Variants in REXO1 observed in about 807,000 individuals in gnomAD.
The protein encoded by REXO1 is RNA exonuclease 1 homolog, also known as REX1, RNA exonuclease 1 homolog.
REXO1 carries 42 observed loss-of-function variants against 102.6 expected under a neutral mutation model. The observed-to-expected ratio is 0.41, with a 90% CI of 0.32 to 0.53. The LOEUF is 0.53. Ranked by LOEUF, REXO1 falls within the 20% of genes least tolerant of loss-of-function variation. The pLI is 0.27. For missense variants in REXO1, 1,819 were observed against 1,732.5 expected (o/e 1.05, Z -0.89); for synonymous variants, 908 against 779.1 (o/e 1.17, Z -2.76).
chr19:1,848,209 G>C lies in REXO1; in HGVS notation c.150C>G (p.Pro50=). Reference sequence around the variant, plus strand: ...CAGGCGGGCGGGCATTACCTGCTGCGGGGGGCGCCTCTCCGCCGTCACCGG... The same window carrying C: ...CAGGCGGGCGGGCATTACCTGCTGCCGGGGGCGCCTCTCCGCCGTCACCGG... ...GAPGDGGEAP[P]AAGLGYDPYN... Residue 50 remains proline, a synonymous_variant, in exon 1 of 16, where the codon CCC becomes CCG. Coordinates refer to ENST00000170168, the MANE Select transcript of REXO1 (RefSeq NM_020695.4). 8.2e-7 allele frequency: 1 copy of C among 1,219,406 alleles called. No individual in the cohort carries two copies. Among genetic ancestry groups the C allele is most frequent in the East Asian group, 3.3e-5 (1 of 30,726 alleles). The allele number at this position is 1,219,406 out of a possible 1,614,324, so 75.5% of individuals were successfully genotyped here. A position where few individuals can be genotyped will look rare whatever the true frequency, so the allele number is the denominator to read the frequency against.
intron 1 of REXO1, among the ~76,000 whole-genome samples, chr19:1,844,906 G>A (rs1431843001): frequency 6.6e-6 from 1 of 152,196 alleles, no homozygotes; most frequent in Non-Finnish European, 1.5e-5. Context: ...TCATCTGGGA[G>A]CACGTTCCTG....
chr19:1,832,472 C>T (rs983124310), intron 1 of REXO1, among the ~76,000 whole-genome samples: 19 of 152,234 alleles, frequency 1.2e-4, no homozygotes, highest in Admixed American at 1.1e-3. Flanking sequence ...AGCGGGAGGC[C>T]GGGACCCGGA....
rs2069364076 is a variant in REXO1, at chr19:1,816,389, G to A, written c.3456+42C>T. On this transcript the variant is annotated intron_variant, in intron 14 of 15. Coordinates refer to ENST00000170168, the MANE Select transcript of REXO1 (RefSeq NM_020695.4). ...ATCAGCGCACGTGGGGCCTGCGCAGGTCCTGCTGGAGAACCGCGCGGGACC... is the reference window on the plus strand; with the variant it reads ...ATCAGCGCACGTGGGGCCTGCGCAGATCCTGCTGGAGAACCGCGCGGGACC... 2.5e-6 allele frequency: 4 copies of A among 1,600,706 alleles called. No homozygotes were observed. In the South Asian group the frequency reaches 3.3e-5, roughly 13 times the overall value.
Position 1,827,198 on chromosome 19 carries a change from C to A in REXO1, c.1591G>T (p.Ala531Ser), listed in dbSNP as rs78977406. The change falls in exon 2 of 16, where the codon GCA becomes TCA. Residue 531 changes from alanine to serine, a missense_variant. Physicochemically the swap from Ala to Ser is moderately conservative, Grantham distance 99. Transcript: ENST00000170168. ...LFGDESEDEA[A>S]GPGVPSVWPS... ...CACACGCTCGGCACCCCTGGCCCTG[C>A]GGCCTCGTCCTCACTCTCGTCCCCA... is the stretch of plus-strand genomic sequence containing the variant. The A allele has an allele frequency of 6.5e-6, 10 of 1,540,080 alleles. No individual in the cohort carries two copies. The highest frequency in any genetic ancestry group is 8.7e-6 in the Non-Finnish European group (10 of 1,146,628).
intron 1 of REXO1, among the ~76,000 whole-genome samples, chr19:1,845,288 C>A (rs1039490189): frequency 6.6e-6 from 1 of 152,170 alleles, no homozygotes; most frequent in East Asian, 1.9e-4. Context: ...CACATCCCTG[C>A]GTCCCAGGGC....
intron 1 of REXO1, among the ~76,000 whole-genome samples, chr19:1,842,540 C>T (rs1012521760): frequency 6.6e-6 from 1 of 152,288 alleles, no homozygotes; most frequent in African/African-American, 2.4e-5. Context: ...TCGACTGGCA[C>T]GGCCCACGCC....
At chr19:1,823,462 C>A in intron 4 of REXO1, 110 bp downstream of exon 4, 1 of 775,952 alleles carries the variant, frequency 1.3e-6, no homozygotes, top group South Asian at 5.6e-5. Context: ...CAAAGTCATC[C>A]CATGAGCAAG....
chr19:1,841,047 G>A (rs1271877093), intron 1 of REXO1, among the ~76,000 whole-genome samples: 1 of 152,194 alleles, frequency 6.6e-6, no homozygotes, highest in Admixed American at 6.5e-5. Flanking sequence ...AAACCTCTCG[G>A]AGCCTAAGGG....
rs1342285187 is a variant in REXO1, at chr19:1,827,090, G to T, written c.1699C>A (p.Pro567Thr). ...GGCGGGGAGGCCTTGAGCCGCTTGG[G>T]CGGCCCCTGCGCCTCCGGGAAGCCC... ...SLGFPEAQGP[P>T]KRLKASPPPS... The change falls in exon 2 of 16, where the codon CCC becomes ACC. Residue 567 changes from proline to threonine, a missense_variant. Physicochemically the swap from Pro to Thr is conservative, Grantham distance 38. Coordinates refer to ENST00000170168, the MANE Select transcript of REXO1 (RefSeq NM_020695.4). 14 of 1,541,028 alleles carry T rather than the reference G, an allele frequency of 9.1e-6. No homozygotes were observed. The highest frequency in any genetic ancestry group is 1.1e-5 in the Non-Finnish European group (13 of 1,145,432).
rs2011667594 is a variant in REXO1, at chr19:1,848,450, G to C, written c.-92C>G. On this transcript the variant is annotated 5_prime_UTR_variant, in exon 1 of 16. Coordinates refer to ENST00000170168, the MANE Select transcript of REXO1 (RefSeq NM_020695.4). ...CGGTCGCCGCCGCCCGCGCCTCACGGACCCCGCCGCCGCCATCTTGCTCCG... is the reference window on the plus strand; with the variant it reads ...CGGTCGCCGCCGCCCGCGCCTCACGCACCCCGCCGCCGCCATCTTGCTCCG... The C allele has an allele frequency of 1.0e-6, 1 of 969,678 alleles. No individual in the cohort carries two copies. The highest frequency in any genetic ancestry group is 1.8e-5 in the African/African-American group (1 of 56,998). The allele number at this position is 969,678 out of a possible 1,614,324, so 60.1% of individuals were successfully genotyped here. A position where few individuals can be genotyped will look rare whatever the true frequency, so the allele number is the denominator to read the frequency against.
chr19:1,825,813 G>T, intron 3 of REXO1, 26 bp downstream of exon 3: 2 of 1,376,584 alleles, frequency 1.5e-6, no homozygotes, highest in Non-Finnish European at 2.0e-6. Context: ...AAAGGCTCCT[G>T]CTGGCCTGGC....
chr19:1,822,767 G>A (rs1475510137), intron 4 of REXO1: 2 of 152,280 alleles, frequency 1.3e-5, no homozygotes, highest in Middle Eastern at 3.2e-3. Context: ...AGGGCCGTGG[G>A]ATCCATGGGA....
In REXO1 at chr19:1,828,550, T is replaced by A. The variant is rs376398910; in HGVS notation, c.239A>T (p.Glu80Val). The part of the protein sequence containing the change: ...RENGTLGLGE[E>V]PRPDVLELEL... ...CAACTCCAGCACATCCGGGCGCGGC[T>A]CCTCCCCCAGGCCCAGGGTGCCATT... The change falls in exon 2 of 16, where the codon GAG (glutamate) becomes GTG (valine). Residue 80 changes from glutamate to valine, a missense_variant. Coordinates refer to ENST00000170168, the MANE Select transcript of REXO1 (RefSeq NM_020695.4). The A allele has an allele frequency of 6.2e-7, 1 of 1,604,116 alleles. No individual in the cohort carries two copies. The highest frequency in any genetic ancestry group is 1.7e-5 in the Admixed American group (1 of 59,990).
At chr19:1,846,482 G>A (rs959106216) in intron 1 of REXO1, among the ~76,000 whole-genome samples, 1 of 152,228 alleles carries the variant, frequency 6.6e-6, no homozygotes, top group Admixed American at 6.5e-5. Context: ...GCAGGCAGCT[G>A]CCTTTTTCCC....
At chr19:1,823,163 G>A (rs2069599568) in intron 4 of REXO1, 1 of 191,346 alleles carries the variant, frequency 5.2e-6, no homozygotes, top group Non-Finnish European at 1.1e-5. Context: ...CCACTCCTGG[G>A]AAGACAGCAC....
chr19:1,846,857 C>T (rs1568724202), intron 1 of REXO1, among the ~76,000 whole-genome samples: 2 of 152,186 alleles, frequency 1.3e-5, no homozygotes, highest in African/African-American at 4.8e-5. Flanking sequence ...CGCACCACTG[C>T]ACTCCAGCCT....
chr19:1,816,104 T>A lies in REXO1; in HGVS notation c.3628A>T (p.Ile1210Phe). Residue 1210 changes from isoleucine to phenylalanine, a missense_variant, in exon 16 of 16, where the codon ATC becomes TTC. Physicochemically the swap from Ile to Phe is conservative, Grantham distance 21. Coordinates refer to ENST00000170168, the MANE Select transcript of REXO1 (RefSeq NM_020695.4). ...TTGGCGTCTTCTCGAACCTTCCAGA[T>A]CACCAGGTGCATGCAGGCGCCGGCG... is the stretch of plus-strand genomic sequence containing the variant. The part of the protein sequence containing the change: ...EDAGACMHLV[I>F]WKVREDAKTK... The A allele has an allele frequency of 6.5e-7, 1 of 1,549,128 alleles. No homozygotes were observed. The highest frequency in any genetic ancestry group is 8.7e-7 in the Non-Finnish European group (1 of 1,146,746).
intron 1 of REXO1, among the ~76,000 whole-genome samples, chr19:1,840,455 GC>G (rs1224446056): frequency 2.0e-5 from 3 of 152,106 alleles, no homozygotes; most frequent in Admixed American, 6.5e-5. Context: ...TCAACAGTGA[GC>G]CCCATCGGCG....
At chr19:1,846,773 G>C (rs184053804) in intron 1 of REXO1, among the ~76,000 whole-genome samples, 131 of 152,272 alleles carry the variant, frequency 8.6e-4, no homozygotes, top group African/African-American at 2.9e-3. Context: ...GCCGCCCATA[G>C]TCCCAGCTAC....
Sources: allele counts gnomAD v4.1 joint callset (sites outside exome capture counted in the v4.1 genomes callset), GRCh38; gene constraint gnomAD v4.1.1; transcripts MANE v1.5; gene names NCBI Gene and HGNC (gene_info 2026-07-23, HGNC 2026-07-21).